The following SSBP3 variants were observed in gnomAD, a reference collection of about 807,000 sequenced individuals.
The protein encoded by SSBP3 is single-stranded DNA-binding protein 3.
Under a neutral mutation model 69.6 loss-of-function variants are expected in SSBP3, and 5 were observed. That is an observed-to-expected ratio of 0.07 (90% CI 0.04 to 0.15). The LOEUF (loss-of-function observed/expected upper bound fraction) is 0.15. Ranked by LOEUF, SSBP3 falls within the 10% of genes least tolerant of loss-of-function variation. The pLI, the probability that SSBP3 is intolerant of heterozygous loss-of-function variation, is 1.00. For missense variants in SSBP3, 312 were observed against 534.0 expected, an observed-to-expected ratio of 0.58 and a Z score of 4.10; for synonymous variants, 196 against 193.4, an observed-to-expected ratio of 1.01 and a Z score of -0.11.
At chr1:54,329,312 T>C (rs12728736) in intron 4 of SSBP3, among the ~76,000 whole-genome samples, 8,036 of 152,302 alleles carry the variant, frequency 0.053, 301 homozygotes, top group South Asian at 0.13. Context: ...TTCTGACATT[T>C]TAAAATATGC....
intron 13 of SSBP3, among the ~76,000 whole-genome samples, chr1:54,240,127 A>G (rs1368717312): frequency 1.7e-5 from 2 of 118,060 alleles, no homozygotes; most frequent in East Asian, 2.7e-4. Flanking sequence ...CGCGCAACAC[A>G]TGCCCACGTA....
intron 9 of SSBP3, among the ~76,000 whole-genome samples, chr1:54,244,698 C>G (rs142584482): frequency 6.6e-6 from 1 of 152,156 alleles, no homozygotes; most frequent in Non-Finnish European, 1.5e-5. Context: ...CAGTGTTGCT[C>G]GTGACCCTCT....
At chr1:54,287,689 G>C (rs1645516055) in intron 4 of SSBP3, among the ~76,000 whole-genome samples, 1 of 150,036 alleles carries the variant, frequency 6.7e-6, no homozygotes, top group African/African-American at 2.4e-5. Context: ...AATTTCAGCA[G>C]CAACAACAAA....
intron 5 of SSBP3, among the ~76,000 whole-genome samples, chr1:54,259,260 C>T (rs1461516438): frequency 6.6e-6 from 1 of 151,976 alleles, no homozygotes; most frequent in East Asian, 1.9e-4. Flanking sequence ...CAGCAAGCTG[C>T]AATAATTATC....
At chr1:54,278,321 T>C (rs1002415267) in intron 5 of SSBP3, among the ~76,000 whole-genome samples, 12 of 147,542 alleles carry the variant, frequency 8.1e-5, no homozygotes, top group African/African-American at 3.0e-4. Flanking sequence ...ATGCCAATAT[T>C]AGGGCTTTTT....
intron 4 of SSBP3, among the ~76,000 whole-genome samples, chr1:54,346,672 G>A (rs1253293397): frequency 2.6e-5 from 4 of 151,940 alleles, no homozygotes; most frequent in Non-Finnish European, 4.4e-5. Context: ...AAAATTGGCC[G>A]GGCATGGTCG....
chr1:54,385,784 A>G (rs1434417766), intron 4 of SSBP3, among the ~76,000 whole-genome samples: 1 of 152,160 alleles, frequency 6.6e-6, no homozygotes, highest in African/African-American at 2.4e-5. Flanking sequence ...CATTTTACAG[A>G]TAAGGACACT....
Position 54,240,114 on chromosome 1 carries a change from G to GCA in SSBP3, c.856+790_856+791insTG, listed in dbSNP as rs1382183568. Among the ~76,000 whole-genome samples the GCA allele has an allele frequency of 7.1e-4, 6 of 8,470 alleles. No individual in the cohort carries two copies. The East Asian group carries it at 0.033, about 47-fold the overall frequency. The allele number at this position is 8,470 out of a possible 152,430, so 5.6% of individuals were successfully genotyped here. ...CGCGCGCGCGCGTGTGCGTGCGCGC[G>GCA]CGCGCGCAACACATGCCCACGTATG... On this transcript the variant is annotated intron_variant, in intron 13 of 17. Transcript: ENST00000610401.
At chr1:54,340,423 A>G (rs938909304) in intron 4 of SSBP3, among the ~76,000 whole-genome samples, 1 of 152,318 alleles carries the variant, frequency 6.6e-6, no homozygotes, top group East Asian at 1.9e-4. Context: ...AGATGTGAGC[A>G]GCTTCAAGCC....
At chr1:54,395,603 C>T (rs1648807860) in intron 4 of SSBP3, among the ~76,000 whole-genome samples, 1 of 152,124 alleles carries the variant, frequency 6.6e-6, no homozygotes, top group Non-Finnish European at 1.5e-5. Context: ...AATCAATCCT[C>T]CCTGGATATT....
chr1:54,401,377 AACACAC>A (rs140889770), intron 4 of SSBP3, among the ~76,000 whole-genome samples: 9 of 146,890 alleles, frequency 6.1e-5, no homozygotes, highest in South Asian at 2.2e-4. Context: ...ACCCACACCA[AACACAC>A]ACACACACAC....
chr1:54,278,218 G>A (rs1645326343), intron 5 of SSBP3, among the ~76,000 whole-genome samples: 1 of 152,122 alleles, frequency 6.6e-6, no homozygotes, highest in South Asian at 2.1e-4. Context: ...TAGTGCTTTG[G>A]GGCTGCCTGG....
chr1:54,362,115 A>G (rs1431967766), intron 4 of SSBP3, among the ~76,000 whole-genome samples: 1 of 152,204 alleles, frequency 6.6e-6, no homozygotes, highest in Admixed American at 6.5e-5. Context: ...CTTTACCATC[A>G]TGGTAAGGAC....
intron 4 of SSBP3, among the ~76,000 whole-genome samples, chr1:54,303,386 C>T (rs1012258719): frequency 4.0e-5 from 6 of 151,844 alleles, no homozygotes; most frequent in African/African-American, 1.5e-4. Flanking sequence ...GCCCAGGGGG[C>T]AGGGGGCAGG....
intron 5 of SSBP3, among the ~76,000 whole-genome samples, chr1:54,280,627 T>C (rs1032847978): frequency 4.3e-4 from 66 of 152,338 alleles, no homozygotes; most frequent in African/African-American, 1.6e-3. Context: ...AAAAGTTCCT[T>C]ACAGCCCTGC....
At chr1:54,406,684 C>T (rs1649799920), upstream of SSBP3, among the ~76,000 whole-genome samples, 2 of 151,990 alleles carry the variant, frequency 1.3e-5, no homozygotes, top group African/African-American at 2.4e-5. Flanking sequence ...GGTCTCCTCG[C>T]CCCAGCGAGG....
At chr1:54,369,862 C>T (rs555069357) in intron 4 of SSBP3, among the ~76,000 whole-genome samples, 23 of 151,970 alleles carry the variant, frequency 1.5e-4, no homozygotes, top group African/African-American at 5.3e-4. Flanking sequence ...ATCCTGGGCA[C>T]AACATTGCTC....
chr1:54,354,899 A>C (rs1304560761), intron 4 of SSBP3, among the ~76,000 whole-genome samples: 1 of 152,194 alleles, frequency 6.6e-6, no homozygotes, highest in Non-Finnish European at 1.5e-5. Flanking sequence ...ACTTCCCAGT[A>C]ATTACAGCCA....
chr1:54,371,432 C>A (rs914285294), intron 4 of SSBP3, among the ~76,000 whole-genome samples: 3 of 152,128 alleles, frequency 2.0e-5, no homozygotes, highest in African/African-American at 7.2e-5. Flanking sequence ...AAGGCTTGGG[C>A]GATTTTAAGC....
Sources: gnomAD v4.1 joint callset for allele counts (sites outside exome capture counted in the v4.1 genomes callset) on GRCh38, gnomAD v4.1.1 for gene constraint, MANE v1.5 for transcripts, NCBI Gene and HGNC (gene_info 2026-07-23, HGNC 2026-07-21) for gene names.